IRAK2: variants seen among roughly 807,000 people sequenced by gnomAD.
The protein encoded by IRAK2 is interleukin-1 receptor-associated kinase-like 2.
In IRAK2, 57 loss-of-function variants were observed where a neutral mutation model predicts 72.0. That is an observed-to-expected ratio of 0.79 (90% CI 0.64 to 0.99). The LOEUF (loss-of-function observed/expected upper bound fraction) is 0.99. Ranked by LOEUF, IRAK2 falls within the 50% of genes least tolerant of loss-of-function variation. The pLI, the probability that IRAK2 is intolerant of heterozygous loss-of-function variation, is 0.00. For missense variants in IRAK2, 790 were observed against 794.4 expected (o/e 0.99, Z 0.07); for synonymous variants, 293 against 312.7 (o/e 0.94, Z 0.67).
At chr3:10,233,676 G>A (rs981785005) in intron 10 of IRAK2, among the ~76,000 whole-genome samples, 20 of 152,250 alleles carry the variant, frequency 1.3e-4, no homozygotes, top group African/African-American at 4.8e-4. Context: ...TGTCCATGTA[G>A]TTAATAAGAT....
At chr3:10,201,506 GT>G (rs1697360577) in intron 3 of IRAK2, among the ~76,000 whole-genome samples, 1 of 152,238 alleles carries the variant, frequency 6.6e-6, no homozygotes, top group Non-Finnish European at 1.5e-5. Flanking sequence ...CTTGCTTAAG[GT>G]CACACAAATA....
chr3:10,168,331 C>A (rs1326567780), intron 1 of IRAK2, among the ~76,000 whole-genome samples: 4 of 151,720 alleles, frequency 2.6e-5, no homozygotes, highest in African/African-American at 9.7e-5. Context: ...GTGCCTCAGC[C>A]TCCCAAGTAG....
chr3:10,213,819 C>T lies in IRAK2; in HGVS notation c.788+271C>T, dbSNP rs1012673827. Reference sequence around the variant, plus strand: ...TTTGGCTCCAGAGTCCATTCTTCTCCTGTGTAGCAATTCTATGTGTAGATT... The same window carrying T: ...TTTGGCTCCAGAGTCCATTCTTCTCTTGTGTAGCAATTCTATGTGTAGATT... On this transcript the variant is annotated intron_variant, in intron 6 of 12. Transcript: ENST00000256458. 3.3e-5 allele frequency among the ~76,000 whole-genome samples: 5 copies of T among 152,130 alleles called. No individual in the cohort carries two copies. The South Asian group carries it at 1.0e-3, about 31-fold the overall frequency.
At chr3:10,214,533 G>A (rs1339094565) in intron 6 of IRAK2, among the ~76,000 whole-genome samples, 1 of 143,386 alleles carries the variant, frequency 7.0e-6, no homozygotes, top group East Asian at 2.0e-4. Flanking sequence ...GCCCTGCCAT[G>A]TGTGTGCTTT....
rs1229202156 is a variant in IRAK2 at position 10,200,414 on chromosome 3, A to T, written c.323A>T (p.Asp108Val). ...AGGTGTCCCATTCCAGCCTTCCCTG[A>T]CTCTGTGAAGCCAGAAAAGCCTTTG... ...EIRCPIPAFP[D>V]SVKPEKPLAA... is the part of the protein sequence containing the mutation. Residue 108 changes from aspartate (D) to valine (V), a missense_variant, in exon 3 of 13, where the codon GAC (aspartate) becomes GTC (valine). By Grantham distance (152) the Asp-to-Val change is radical (BLOSUM62 -3). Coordinates refer to ENST00000256458, the MANE Select transcript of IRAK2 (RefSeq NM_001570.4). 9.3e-6 allele frequency: 15 copies of T among 1,606,368 alleles called. No individual in the cohort carries two copies. Among genetic ancestry groups the T allele is most frequent in the Non-Finnish European group, 1.3e-5 (15 of 1,174,334 alleles).
intron 1 of IRAK2, among the ~76,000 whole-genome samples, chr3:10,165,511 T>TA (rs1696669314): frequency 6.6e-6 from 1 of 152,094 alleles, no homozygotes; most frequent in African/African-American, 2.4e-5. Context: ...TATATATATA[T>TA]TGAAACGGAG....
At chr3:10,238,712 T>C in intron 11 of IRAK2, 36 bp from the exon 12 acceptor site, 1 of 1,594,504 alleles carries the variant, frequency 6.3e-7, no homozygotes, top group Non-Finnish European at 8.6e-7. Flanking sequence ...TCAGAGAGAA[T>C]TCCTGATGAG....
chr3:10,226,542 G>A lies in IRAK2; in HGVS notation c.1272+109G>A, dbSNP rs1418438061. On this transcript the variant is annotated intron_variant, in intron 10 of 12. Coordinates refer to ENST00000256458, the MANE Select transcript of IRAK2 (RefSeq NM_001570.4). ...AGTTTTACACATGCAAATGAGGCCC[G>A]GTACAAGGTTGCATTTGCATCCCCA... 24 of 822,264 alleles carry A rather than the reference G, an allele frequency of 2.9e-5. 1 individual carries two copies. Among genetic ancestry groups the A allele is most frequent in the South Asian group, 1.9e-4 (12 of 63,330 alleles). The allele number at this position is 822,264 out of a possible 1,614,324, so 50.9% of individuals were successfully genotyped here. A position where few individuals can be genotyped will look rare whatever the true frequency, so the allele number is the denominator to read the frequency against.
rs375803389 is a variant in IRAK2 at position 10,242,272 on chromosome 3, T to C, written c.*44T>C. The C allele has an allele frequency of 1.5e-5, 18 of 1,161,656 alleles. No homozygotes were observed. The African/African-American group carries it at 2.6e-4, about 17-fold the overall frequency. The allele number at this position is 1,161,656 out of a possible 1,614,324, so 72.0% of individuals were successfully genotyped here. Reference sequence around the variant, plus strand: ...GGACCCTTGTCCTCAGTTGGAAAGATGAGCATCAGATCAAGAAAAAGGTCT... The same window carrying C: ...GGACCCTTGTCCTCAGTTGGAAAGACGAGCATCAGATCAAGAAAAAGGTCT... On this transcript the variant is annotated 3_prime_UTR_variant, in exon 13 of 13. Coordinates refer to ENST00000256458, the MANE Select transcript of IRAK2 (RefSeq NM_001570.4).
At chr3:10,239,786 C>T (rs1310247784) in intron 12 of IRAK2, among the ~76,000 whole-genome samples, 2 of 151,966 alleles carry the variant, frequency 1.3e-5, no homozygotes, top group South Asian at 2.1e-4. Flanking sequence ...TCCTCAAGGC[C>T]CCATGTGGTC....
Position 10,213,254 on chromosome 3 carries a change from T to A in IRAK2, c.576T>A (p.Ala192=). ...IPKQEKLLSL[A]GDSLFWSEAD... ...AGCAGGAAAAACTTTTGAGCTTGGC[T>A]GGAGACAGCCTTTTCTGGAGTGAGG... The change falls in exon 5 of 13, where the codon GCT becomes GCA. Residue 192 remains alanine (A), a synonymous_variant. Coordinates refer to ENST00000256458, the MANE Select transcript of IRAK2 (RefSeq NM_001570.4). 1 of 1,614,166 alleles carries A rather than the reference T, an allele frequency of 6.2e-7. No homozygotes were observed. The highest frequency in any genetic ancestry group is 8.5e-7 in the Non-Finnish European group (1 of 1,180,020).
At chr3:10,192,855 G>T (rs1412681495) in intron 2 of IRAK2, among the ~76,000 whole-genome samples, 1 of 152,208 alleles carries the variant, frequency 6.6e-6, no homozygotes, top group Non-Finnish European at 1.5e-5. Flanking sequence ...GGAGGCAGAA[G>T]TTGTAATGAG....
At chr3:10,181,124 G>T (rs185933634) in intron 2 of IRAK2, among the ~76,000 whole-genome samples, 3 of 152,182 alleles carry the variant, frequency 2.0e-5, no homozygotes, top group Admixed American at 2.0e-4. Context: ...CCTGCTGGCT[G>T]CCTCCCTAAG....
intron 3 of IRAK2, among the ~76,000 whole-genome samples, chr3:10,206,485 G>A (rs1697435902): frequency 6.6e-6 from 1 of 152,220 alleles, no homozygotes; most frequent in African/African-American, 2.4e-5. Context: ...GTGATTTCAT[G>A]TTATCAGCTA....
chr3:10,201,959 A>T (rs1018403526), intron 3 of IRAK2, among the ~76,000 whole-genome samples: 2 of 152,220 alleles, frequency 1.3e-5, no homozygotes, highest in African/African-American at 2.4e-5. Flanking sequence ...CAGTTTACTC[A>T]TTTGTAAAAT....
chr3:10,165,067 G>T lies in IRAK2; in HGVS notation c.94+19G>T, dbSNP rs899325438. The T allele has an allele frequency of 2.5e-6, 4 of 1,600,348 alleles. No individual in the cohort carries two copies. Among genetic ancestry groups the T allele is most frequent in the Non-Finnish European group, 3.4e-6 (4 of 1,172,198 alleles). On this transcript the variant is annotated intron_variant, in intron 1 of 12. Coordinates refer to ENST00000256458, the MANE Select transcript of IRAK2 (RefSeq NM_001570.4). The stretch of plus-strand genomic sequence containing the variant: ...GAGTTCGGTGAGTGCGGCCCGGGGA[G>T]GGGAGGGGACCAGGGCGACCGGAGC...
chr3:10,172,935 T>G (rs1696820729), intron 1 of IRAK2, among the ~76,000 whole-genome samples: 1 of 148,290 alleles, frequency 6.7e-6, no homozygotes, highest in Non-Finnish European at 1.5e-5. Context: ...TGCCTTGGCC[T>G]CCCAAAGTGC....
chr3:10,232,425 C>G (rs904322646), intron 10 of IRAK2, among the ~76,000 whole-genome samples: 31 of 152,164 alleles, frequency 2.0e-4, no homozygotes, highest in African/African-American at 7.2e-4. Context: ...CTACACGGGG[C>G]GTAGCCTGTT....
intron 2 of IRAK2, among the ~76,000 whole-genome samples, chr3:10,179,963 T>C (rs1025452313): frequency 6.6e-6 from 1 of 152,222 alleles, no homozygotes; most frequent in Admixed American, 6.5e-5. Flanking sequence ...CTTTCTATTA[T>C]AGTATTGGAA....
Sources: allele counts gnomAD v4.1 joint callset (sites outside exome capture counted in the v4.1 genomes callset), GRCh38; gene constraint gnomAD v4.1.1; transcripts MANE v1.5; gene names NCBI Gene and HGNC (gene_info 2026-07-23, HGNC 2026-07-21).